Variants in MALRD1 observed in about 807,000 individuals in gnomAD.
MALRD1 encodes MAM and LDL receptor class A domain containing 1.
MALRD1 carries 247 observed loss-of-function variants against 242.1 expected under a neutral mutation model. The observed-to-expected ratio is 1.02, with a 90% confidence interval of 0.92 to 1.13. The LOEUF is 1.13. Among genes scored for constraint, MALRD1 ranks in the 50% most tolerant of loss-of-function variants. The pLI is 0.00. For missense variants in MALRD1, 2,989 were observed against 2,533.1 expected (o/e 1.18, Z -3.86); for synonymous variants, 995 against 866.6 (o/e 1.15, Z -2.60).
intron 5 of MALRD1, among the ~76,000 whole-genome samples, chr10:19,111,606 C>G (rs897584382): frequency 1.3e-5 from 2 of 152,204 alleles, no homozygotes; most frequent in African/African-American, 4.8e-5. Context: ...AAGATAAATA[C>G]TTGTGCTGAA....
intron 26 of MALRD1, among the ~76,000 whole-genome samples, chr10:19,373,306 G>A (rs562201643): frequency 6.6e-6 from 1 of 150,890 alleles, no homozygotes; most frequent in South Asian, 2.1e-4. Flanking sequence ...TTCAAGACCA[G>A]CCTGGCCAAC....
intron 19 of MALRD1, among the ~76,000 whole-genome samples, chr10:19,268,812 G>A (rs1840074094): frequency 6.6e-6 from 1 of 152,158 alleles, no homozygotes; most frequent in East Asian, 1.9e-4. Context: ...ATATATTAAT[G>A]TAGCCTGAAG....
Position 19,310,584 on chromosome 10 carries a change from A to G in MALRD1, c.3420-13365A>G, listed in dbSNP as rs536906240. ...GAATTCTTTAGTTTAAGAAAACCAG[A>G]AGACATCCAAATAGCTGTTCTTCAT... is the stretch of plus-strand genomic sequence containing the variant. On this transcript the variant is annotated intron_variant, in intron 21 of 39. Transcript: ENST00000454679. Among the ~76,000 whole-genome samples the G allele has an allele frequency of 2.0e-5, 3 of 151,698 alleles. No homozygotes were observed. The East Asian group carries it at 5.9e-4, about 30-fold the overall frequency.
At chr10:19,516,780 C>T (rs1833652584) in intron 31 of MALRD1, among the ~76,000 whole-genome samples, 2 of 151,318 alleles carry the variant, frequency 1.3e-5, no homozygotes, top group Admixed American at 6.6e-5. Flanking sequence ...CTTCTCCTCC[C>T]TCTTCTCCTC....
chr10:19,734,136 A>G, intron 39 of MALRD1, 21 bp from the exon 40 acceptor site: 1 of 1,520,192 alleles, frequency 6.6e-7, no homozygotes, highest in Non-Finnish European at 8.8e-7. Flanking sequence ...CCACCCTTTC[A>G]AATGTGTTTT....
chr10:19,121,657 C>T (rs967091169), intron 5 of MALRD1, among the ~76,000 whole-genome samples: 55 of 152,190 alleles, frequency 3.6e-4, no homozygotes, highest in African/African-American at 1.2e-3. Context: ...CTTAAATAGC[C>T]GAGCAGAGAT....
chr10:19,060,253 T>A (rs1055825461), intron 1 of MALRD1, among the ~76,000 whole-genome samples: 1 of 152,336 alleles, frequency 6.6e-6, no homozygotes, highest in Middle Eastern at 3.4e-3. Context: ...TACGTTATCT[T>A]ACAGCAGTAA....
chr10:19,588,337 C>G (rs1328707872), intron 33 of MALRD1, among the ~76,000 whole-genome samples: 1 of 152,128 alleles, frequency 6.6e-6, no homozygotes, highest in Non-Finnish European at 1.5e-5. Flanking sequence ...TCATCAATGT[C>G]AGAAATATTG....
At chr10:19,580,166 T>C (rs1048174548) in intron 33 of MALRD1, among the ~76,000 whole-genome samples, 1 of 152,190 alleles carries the variant, frequency 6.6e-6, no homozygotes, top group Admixed American at 6.5e-5. Flanking sequence ...TTTTAATATA[T>C]TCTATCACTT....
In MALRD1 at chr10:19,605,142, T is replaced by G. The variant is rs543639622; in HGVS notation, c.5945-2635T>G. ...ACAATTTCTACCATTTGATTACAGA[T>G]TTATTTATTTTTTTATTATTATTTT... On this transcript the variant is annotated intron_variant, in intron 34 of 39. Transcript: ENST00000454679. Among the ~76,000 whole-genome samples, 10 of 144,986 alleles carry G rather than the reference T, an allele frequency of 6.9e-5. No individual in the cohort carries two copies. The East Asian group carries it at 2.0e-3, about 29-fold the overall frequency.
chr10:19,601,993 A>C (rs1046517007), intron 34 of MALRD1, among the ~76,000 whole-genome samples: 2 of 152,076 alleles, frequency 1.3e-5, no homozygotes, highest in African/African-American at 4.8e-5. Flanking sequence ...TCATAGATAC[A>C]TATATAGACA....
intron 27 of MALRD1, among the ~76,000 whole-genome samples, chr10:19,388,881 G>GAAAAAAAAAAA (rs11405183): frequency 8.5e-6 from 1 of 117,206 alleles, no homozygotes; most frequent in African/African-American, 3.7e-5. Context: ...TAGGTCTACT[G>GAAAAAAAAAAA]AAAAAAAAAA....
At chr10:19,280,869 A>C (rs572800473) in intron 20 of MALRD1, among the ~76,000 whole-genome samples, 71 of 152,334 alleles carry the variant, frequency 4.7e-4, no homozygotes, top group Middle Eastern at 3.4e-3. Context: ...ATAAGATCAG[A>C]AGGGTAAACA....
intron 31 of MALRD1, among the ~76,000 whole-genome samples, chr10:19,507,357 C>A (rs1358130902): frequency 6.6e-6 from 1 of 151,756 alleles, no homozygotes; most frequent in Non-Finnish European, 1.5e-5. Context: ...TAAAAATTTT[C>A]AAAATAAAGG....
At chr10:19,597,147 G>C (rs890089096) in intron 34 of MALRD1, among the ~76,000 whole-genome samples, 3 of 152,106 alleles carry the variant, frequency 2.0e-5, no homozygotes, top group Non-Finnish European at 4.4e-5. Context: ...CAACCTGTCA[G>C]GTCTTCTAAT....
In MALRD1 at chr10:19,066,924, C is replaced by T. The variant is rs1183168545; in HGVS notation, c.340+65C>T. The stretch of plus-strand genomic sequence containing the variant: ...CTCCTTTCCTTCCTTCCCTCCCTTC[C>T]TTCTTCGTTCTTTCCCACCTCCCTT... On this transcript the variant is annotated intron_variant, in intron 2 of 39. Transcript: ENST00000454679. 6.0e-6 allele frequency: 7 copies of T among 1,163,118 alleles called. No homozygotes were observed. In the Admixed American group the frequency reaches 1.3e-4, roughly 21 times the overall value. The allele number at this position is 1,163,118 out of a possible 1,614,324, so 72.0% of individuals were successfully genotyped here.
At position 19,237,896 on chromosome 10, in the gene MALRD1, A is replaced by G. The variant is rs191868808; in HGVS notation, c.2992-19788A>G. The stretch of plus-strand genomic sequence containing the variant: ...AATTTTATATAGTTATATACATTAT[A>G]AATAATTTTATATAGTTATATATAA... On this transcript the variant is annotated intron_variant, in intron 18 of 39. Coordinates refer to ENST00000454679, the MANE Select transcript of MALRD1 (RefSeq NM_001142308.3). 0.02 allele frequency among the ~76,000 whole-genome samples: 1,183 copies of G among 60,434 alleles called. 92 individuals carry two copies. In the East Asian group the frequency reaches 0.29, roughly 15 times the overall value. The allele number at this position is 60,434 out of a possible 152,430, so 39.6% of individuals were successfully genotyped here.
At position 19,592,526 on chromosome 10, in the gene MALRD1, A is replaced by C. The variant is rs139918168; in HGVS notation, c.5681-2668A>C. Among the ~76,000 whole-genome samples the C allele has an allele frequency of 6.0e-3, 907 of 152,286 alleles. 4 individuals carry two copies. Among genetic ancestry groups the C allele is most frequent in the Non-Finnish European group, 8.3e-3 (563 of 68,000 alleles). ...AGGAGCTGGGGGAATGAACACCTTGATGTGGATGGAGAAAGCTGGGCAGTA... is the reference window on the plus strand; with the variant it reads ...AGGAGCTGGGGGAATGAACACCTTGCTGTGGATGGAGAAAGCTGGGCAGTA... On this transcript the variant is annotated intron_variant, in intron 33 of 39. Coordinates refer to ENST00000454679, the MANE Select transcript of MALRD1 (RefSeq NM_001142308.3).
intron 29 of MALRD1, among the ~76,000 whole-genome samples, chr10:19,463,797 T>C (rs1424099094): frequency 2.0e-5 from 3 of 152,192 alleles, no homozygotes; most frequent in Non-Finnish European, 4.4e-5. Flanking sequence ...TTCACACTGT[T>C]TTCCATAGTG....
Sources: allele counts gnomAD v4.1 joint callset (sites outside exome capture counted in the v4.1 genomes callset), GRCh38; gene constraint gnomAD v4.1.1; transcripts MANE v1.5; gene names NCBI Gene and HGNC (gene_info 2026-07-23, HGNC 2026-07-21).